The following ASXL2 variants were observed in gnomAD, a reference collection of about 807,000 sequenced individuals.
ASXL2 encodes ASXL transcriptional regulator 2, also known as putative Polycomb group protein ASXL2.
Under a neutral mutation model 122.0 loss-of-function variants are expected in ASXL2, and 23 were observed. The ratio of observed to expected loss-of-function variants is 0.19; its 90% CI spans 0.14 to 0.27. The LOEUF is 0.27. Ranked by LOEUF, ASXL2 falls within the 10% of genes least tolerant of loss-of-function variation. The probability of loss-of-function intolerance (pLI) is 1.00; values close to 1 mark genes in which losing one functional copy is unlikely to be tolerated. For missense variants in ASXL2, 1,518 were observed against 1,713.8 expected (o/e 0.89, Z 2.02); for synonymous variants, 650 against 637.0 (o/e 1.02, Z -0.31).
intron 1 of ASXL2, among the ~76,000 whole-genome samples, chr2:25,848,540 G>A (rs776359860): frequency 2.6e-5 from 4 of 151,560 alleles, no homozygotes; most frequent in Non-Finnish European, 4.4e-5. Context: ...GGGAAATGGC[G>A]TGAACCCTGG....
intron 3 of ASXL2, among the ~76,000 whole-genome samples, chr2:25,820,258 T>G (rs962961336): frequency 6.6e-6 from 1 of 152,150 alleles, no homozygotes; most frequent in Non-Finnish European, 1.5e-5. Flanking sequence ...ATGTCTACAA[T>G]TTATCCTCAG....
intron 5 of ASXL2, among the ~76,000 whole-genome samples, chr2:25,794,146 C>A (rs1395923303): frequency 6.6e-6 from 1 of 152,142 alleles, no homozygotes; most frequent in Non-Finnish European, 1.5e-5. Flanking sequence ...ACTCCAGACA[C>A]AATATATATC....
chr2:25,826,949 CTT>C (rs903282118), intron 3 of ASXL2, among the ~76,000 whole-genome samples: 1 of 150,886 alleles, frequency 6.6e-6, no homozygotes, highest in African/African-American at 2.4e-5. Flanking sequence ...TCCTCAGCCT[CTT>C]GAGTAGCTGA....
chr2:25,864,528 G>A (rs2149201409), intron 1 of ASXL2, among the ~76,000 whole-genome samples: 1 of 152,218 alleles, frequency 6.6e-6, no homozygotes, highest in East Asian at 1.9e-4. Context: ...TTTTTAAATT[G>A]TGATAAAAGA....
chr2:25,800,198 G>C (rs1329672331), intron 4 of ASXL2, among the ~76,000 whole-genome samples: 1 of 152,164 alleles, frequency 6.6e-6, no homozygotes. Context: ...TTAGGAGGCT[G>C]AGTTGGGAGG....
In ASXL2 at chr2:25,734,965, C is replaced by T. The variant is rs889613748; in HGVS notation, c.*7064G>A. On this transcript the variant is annotated 3_prime_UTR_variant, in exon 13 of 13. Transcript: ENST00000435504. The stretch of plus-strand genomic sequence containing the variant: ...AACCAAATTCCAGGTTATCTTTCTT[C>T]TCCCTAAGGCATCCTCTAGGTTTTA... 9 of 152,192 alleles carry T rather than the reference C, an allele frequency of 5.9e-5. No individual in the cohort carries two copies. The highest frequency in any genetic ancestry group is 2.2e-4 in the African/African-American group (9 of 41,462). 9.4% of individuals were successfully genotyped at this position (152,192 alleles called of 1,614,324 possible).
rs1299441409 is a variant in ASXL2 at position 25,753,548 on chromosome 2, G to T, written c.1128C>A (p.Ser376Arg). Residue 376 changes from serine to arginine, a missense_variant, in exon 11 of 13, where the codon AGC (serine) becomes AGA (arginine). Ser to Arg is a moderately radical substitution (Grantham distance 110). Coordinates refer to ENST00000435504, the MANE Select transcript of ASXL2 (RefSeq NM_018263.6). Reference protein sequence around the residue: ...VEPWKEQFFESYYGQSSGLSL... With the variant: ...VEPWKEQFFERYYGQSSGLSL... Reference sequence around the variant, plus strand: ...CCTAATATTACCTCTGCCCATAGTAGCTTTCAAAGAATTGTTCTTTCCATG... The same window carrying T: ...CCTAATATTACCTCTGCCCATAGTATCTTTCAAAGAATTGTTCTTTCCATG... 6.2e-7 allele frequency: 1 copy of T among 1,613,342 alleles called. No homozygotes were observed.
chr2:25,764,464 AT>A (rs1233185278), intron 8 of ASXL2, among the ~76,000 whole-genome samples: 1 of 152,220 alleles, frequency 6.6e-6, no homozygotes, highest in African/African-American at 2.4e-5. Context: ...ACCAAAAAAA[AT>A]CTCATAATGT....
At chr2:25,828,607 C>T (rs944748236) in intron 3 of ASXL2, among the ~76,000 whole-genome samples, 14 of 151,112 alleles carry the variant, frequency 9.3e-5, no homozygotes, top group Admixed American at 4.6e-4. Context: ...GGGCAGATCA[C>T]GAGGTCAGGA....
In ASXL2 at chr2:25,786,540, A is replaced by T. The variant is rs549436153; in HGVS notation, c.403+12845T>A. 1.9e-3 allele frequency among the ~76,000 whole-genome samples: 296 copies of T among 151,982 alleles called. 1 individual carries two copies. Among genetic ancestry groups the T allele is most frequent in the African/African-American group, 6.9e-3 (288 of 41,468 alleles). On this transcript the variant is annotated intron_variant, in intron 5 of 12. Coordinates refer to ENST00000435504, the MANE Select transcript of ASXL2 (RefSeq NM_018263.6). ...AGGCGTGAGCCACCACGCCCGGCCC[A>T]CATCATTCTTAAAACATTATAATAT...
In ASXL2 at chr2:25,749,978, G is replaced by C; in HGVS notation, c.1578C>G (p.Ser526Arg). Residue 526 changes from serine (S) to arginine (R), a missense_variant, in exon 12 of 13, where the codon AGC becomes AGG. Ser to Arg is a moderately radical substitution (Grantham distance 110, BLOSUM62 -1). Coordinates refer to ENST00000435504, the MANE Select transcript of ASXL2 (RefSeq NM_018263.6). ...TTTCAACCCCAGGACTCTTGGGTTT[G>C]CTTGGCGATGTAACTAAAGATTCTT... Reference protein sequence around the residue: ...ESQESLVTSPSKPKSPGVEKP... With the variant: ...ESQESLVTSPRKPKSPGVEKP... 2 of 1,613,946 alleles carry C rather than the reference G, an allele frequency of 1.2e-6. No homozygotes were observed. The highest frequency in any genetic ancestry group is 8.5e-7 in the Non-Finnish European group (1 of 1,179,866).
intron 11 of ASXL2, among the ~76,000 whole-genome samples, chr2:25,753,199 AC>A (rs949315312): frequency 6.0e-5 from 9 of 151,120 alleles, no homozygotes; most frequent in Non-Finnish European, 1.0e-4. Context: ...CGAACTCCTG[AC>A]CTCAGGAGTT....
chr2:25,761,672 CAA>C (rs1184631489), intron 8 of ASXL2, among the ~76,000 whole-genome samples: 4 of 56,866 alleles, frequency 7.0e-5, no homozygotes, highest in Admixed American at 1.8e-4. Context: ...GACTCCGTCT[CAA>C]AAAAAAAAAA....
intron 1 of ASXL2, among the ~76,000 whole-genome samples, chr2:25,848,010 C>T (rs2089669123): frequency 6.6e-6 from 1 of 152,020 alleles, no homozygotes; most frequent in African/African-American, 2.4e-5. Flanking sequence ...GGGTTTTTTC[C>T]TGCCAATTTA....
rs371721698 is a variant in ASXL2, at chr2:25,751,260, A to G, written c.1143-847T>C. On this transcript the variant is annotated intron_variant, in intron 11 of 12. Coordinates refer to ENST00000435504, the MANE Select transcript of ASXL2 (RefSeq NM_018263.6). Reference sequence around the variant, plus strand: ...AGGGACAAAACTGGGCAATAATCAAAAACAGTCTTTCTATAAAAGCTGACA... The same window carrying G: ...AGGGACAAAACTGGGCAATAATCAAGAACAGTCTTTCTATAAAAGCTGACA... 6.6e-5 allele frequency among the ~76,000 whole-genome samples: 10 copies of G among 152,362 alleles called. No homozygotes were observed. The South Asian group carries it at 1.4e-3, about 22-fold the overall frequency.
intron 4 of ASXL2, among the ~76,000 whole-genome samples, chr2:25,801,146 C>T (rs1027860093): frequency 6.6e-6 from 1 of 152,110 alleles, no homozygotes; most frequent in Admixed American, 6.5e-5. Flanking sequence ...CCAGGCTGGT[C>T]CTGGATTTGA....
At chr2:25,784,344 G>A (rs2088704169) in intron 5 of ASXL2, among the ~76,000 whole-genome samples, 1 of 152,126 alleles carries the variant, frequency 6.6e-6, no homozygotes. Flanking sequence ...ACTTAAGGAA[G>A]ATAATTAAAA....
chr2:25,840,638 G>A (rs1324041331), intron 2 of ASXL2, among the ~76,000 whole-genome samples: 2 of 152,016 alleles, frequency 1.3e-5, no homozygotes, highest in Admixed American at 1.3e-4. Context: ...TTTGGGTCTG[G>A]CTTACTTCAC....
rs556367243 is a variant in ASXL2 at position 25,791,523 on chromosome 2, T to C, written c.403+7862A>G. Among the ~76,000 whole-genome samples the C allele has an allele frequency of 1.1e-4, 16 of 150,960 alleles. No homozygotes were observed. The South Asian group carries it at 2.5e-3, about 24-fold the overall frequency. ...AAAAAGGAACTTTGTACAACAAATA[T>C]CTTGTAAATAATAAGACTATCACTA... On this transcript the variant is annotated intron_variant, in intron 5 of 12. Transcript: ENST00000435504.
Sources: allele counts gnomAD v4.1 joint callset (sites outside exome capture counted in the v4.1 genomes callset), GRCh38; gene constraint gnomAD v4.1.1; transcripts MANE v1.5; gene names NCBI Gene and HGNC (gene_info 2026-07-23, HGNC 2026-07-21).